RAP1A: variants seen among roughly 807,000 people sequenced by gnomAD.
RAP1A encodes the protein RAP1A, member of RAS oncogene family, also known as ras-related protein Rap-1A.
Under a neutral mutation model 26.4 loss-of-function variants are expected in RAP1A, and 6 were observed. The ratio of observed to expected loss-of-function variants is 0.23; its 90% CI spans 0.12 to 0.45. RAP1A has a LOEUF of 0.45. Among genes scored for constraint, RAP1A ranks in the 20% least tolerant of loss-of-function variants. The pLI is 0.99. For missense variants in RAP1A, 121 were observed against 217.2 expected (o/e 0.56, Z 2.78); for synonymous variants, 73 against 79.4 (o/e 0.92, Z 0.43).
At chr1:111,697,873 G>A (rs1661885540) in intron 4 of RAP1A, among the ~76,000 whole-genome samples, 1 of 151,960 alleles carries the variant, frequency 6.6e-6, no homozygotes, top group South Asian at 2.1e-4. Context: ...CTTTTCACTA[G>A]CATTTTGACA....
chr1:111,664,149 G>T (rs1435444571), intron 1 of RAP1A, among the ~76,000 whole-genome samples: 1 of 152,070 alleles, frequency 6.6e-6, no homozygotes, highest in Non-Finnish European at 1.5e-5. Context: ...CACGGAGGGT[G>T]GATCACCTGA....
intron 1 of RAP1A, among the ~76,000 whole-genome samples, chr1:111,628,621 G>A (rs983174866): frequency 3.3e-5 from 5 of 152,128 alleles, no homozygotes; most frequent in African/African-American, 4.8e-5. Context: ...GGAAGGAAGA[G>A]GTTGAAGACA....
At chr1:111,689,679 T>C (rs565334319) in intron 1 of RAP1A, among the ~76,000 whole-genome samples, 195 of 151,048 alleles carry the variant, frequency 1.3e-3, no homozygotes, top group Middle Eastern at 6.9e-3. Flanking sequence ...TTCAGGTCCC[T>C]TTTTTTTTGA....
intron 1 of RAP1A, among the ~76,000 whole-genome samples, chr1:111,624,497 C>T (rs777814376): frequency 4.6e-5 from 7 of 152,174 alleles, no homozygotes; most frequent in Non-Finnish European, 7.3e-5. Flanking sequence ...TGTGAGATGA[C>T]TGGTTAAGAG....
intron 1 of RAP1A, among the ~76,000 whole-genome samples, chr1:111,568,793 T>G (rs1657979600): frequency 1.3e-5 from 2 of 152,040 alleles, no homozygotes; most frequent in Admixed American, 6.6e-5. Context: ...CCCCTGCCAC[T>G]CCTGAGACAG....
chr1:111,638,735 T>C (rs1392434717), intron 1 of RAP1A, among the ~76,000 whole-genome samples: 1 of 152,216 alleles, frequency 6.6e-6, no homozygotes, highest in Non-Finnish European at 1.5e-5. Context: ...GTTTTCTATT[T>C]TTTTCATTCC....
intron 2 of RAP1A, among the ~76,000 whole-genome samples, chr1:111,691,736 A>G (rs1272274606): frequency 1.3e-5 from 2 of 152,208 alleles, no homozygotes; most frequent in East Asian, 1.9e-4. Flanking sequence ...ATTATTACAG[A>G]TTCTAGTGGG....
chr1:111,705,907 A>T (rs1662173665), intron 6 of RAP1A, among the ~76,000 whole-genome samples: 1 of 152,188 alleles, frequency 6.6e-6, no homozygotes, highest in Admixed American at 6.5e-5. Flanking sequence ...AACCAAGTTC[A>T]TCAGACTCCA....
At chr1:111,605,164 TA>T (rs1391017050) in intron 1 of RAP1A, among the ~76,000 whole-genome samples, 1 of 152,342 alleles carries the variant, frequency 6.6e-6, no homozygotes, top group African/African-American at 2.4e-5. Context: ...ACTGGTATTC[TA>T]AGGAAGGTAG....
At chr1:111,621,118 T>A (rs1456803132) in intron 1 of RAP1A, among the ~76,000 whole-genome samples, 1 of 152,202 alleles carries the variant, frequency 6.6e-6, no homozygotes. Context: ...AGGTGGCGGA[T>A]GATGTTTTTG....
intron 1 of RAP1A, among the ~76,000 whole-genome samples, chr1:111,580,865 C>CAAA (rs59640388): frequency 1.4e-5 from 2 of 145,136 alleles, no homozygotes; most frequent in African/African-American, 2.5e-5. Context: ...AAACAAAAAA[C>CAAA]AAAAAAAAAA....
At chr1:111,688,026 C>CAAAAAA (rs58107878) in intron 1 of RAP1A, among the ~76,000 whole-genome samples, 2 of 51,704 alleles carry the variant, frequency 3.9e-5, no homozygotes, top group Admixed American at 2.9e-4. Context: ...GACCCTGTCT[C>CAAAAAA]AAAAAAAAAA....
intron 1 of RAP1A, among the ~76,000 whole-genome samples, chr1:111,570,255 T>G (rs946558369): frequency 1.3e-5 from 2 of 152,132 alleles, no homozygotes; most frequent in Non-Finnish European, 2.9e-5. Flanking sequence ...AGTCCTATTG[T>G]CTGTGTGCCT....
chr1:111,559,870 T>C (rs1243990555), intron 1 of RAP1A, among the ~76,000 whole-genome samples: 1 of 152,204 alleles, frequency 6.6e-6, no homozygotes, highest in Non-Finnish European at 1.5e-5. Flanking sequence ...AGATGCAGCA[T>C]AAATTACTAA....
At chr1:111,630,446 C>G (rs1290229276) in intron 1 of RAP1A, among the ~76,000 whole-genome samples, 1 of 152,084 alleles carries the variant, frequency 6.6e-6, no homozygotes, top group Admixed American at 6.5e-5. Flanking sequence ...GTGAATAAGA[C>G]GTGCTTTCAT....
At chr1:111,544,147 A>G (rs1265259037) in intron 1 of RAP1A, among the ~76,000 whole-genome samples, 1 of 152,192 alleles carries the variant, frequency 6.6e-6, no homozygotes, top group African/African-American at 2.4e-5. Context: ...TGTTAATGCA[A>G]TATTATTCTC....
chr1:111,643,583 G>C (rs969616129), intron 1 of RAP1A, among the ~76,000 whole-genome samples: 2 of 152,128 alleles, frequency 1.3e-5, no homozygotes, highest in South Asian at 4.1e-4. Flanking sequence ...GGGTTCTTTG[G>C]TTGCAAGCAA....
intron 4 of RAP1A, among the ~76,000 whole-genome samples, chr1:111,699,463 C>CTTTT (rs11435540): frequency 0.088 from 10,914 of 123,928 alleles, 871 homozygotes; most frequent in African/African-American, 0.18. Context: ...CTCACTTCCT[C>CTTTT]TTTTTTTTTT....
At chr1:111,627,280 G>A (rs989814124) in intron 1 of RAP1A, among the ~76,000 whole-genome samples, 1 of 151,492 alleles carries the variant, frequency 6.6e-6, no homozygotes, top group Non-Finnish European at 1.5e-5. Context: ...TTTTTTTTAC[G>A]AAACTTAGAA....
Sources: gnomAD v4.1 joint callset for allele counts (sites outside exome capture counted in the v4.1 genomes callset) on GRCh38, gnomAD v4.1.1 for gene constraint, MANE v1.5 for transcripts, NCBI Gene and HGNC (gene_info 2026-07-23, HGNC 2026-07-21) for gene names.